The following MSRA variants were observed in gnomAD, a reference collection of about 807,000 sequenced individuals.
The protein encoded by MSRA is methionine sulfoxide reductase A.
MSRA carries 54 observed loss-of-function variants against 31.3 expected under a neutral mutation model. The observed-to-expected ratio is 1.73, with a 90% CI of 1.39 to 2.17. The LOEUF is 2.17. Ranked by LOEUF, MSRA falls within the 30% of genes most tolerant of loss-of-function variation. The pLI is 0.00. For synonymous variants in MSRA, 169 were observed against 116.5 expected (o/e 1.45, Z -2.90); for missense variants, 507 against 300.9 (o/e 1.69, Z -5.07).
At chr8:10,249,394 T>G (rs942288787) in intron 3 of MSRA, among the ~76,000 whole-genome samples, 2 of 152,216 alleles carry the variant, frequency 1.3e-5, no homozygotes. Flanking sequence ...TGGTCGGACC[T>G]CCATGATCTT....
At chr8:10,193,315 G>T (rs1006818838) in intron 1 of MSRA, among the ~76,000 whole-genome samples, 1 of 152,170 alleles carries the variant, frequency 6.6e-6, no homozygotes, top group East Asian at 1.9e-4. Context: ...TGGCCTTCCC[G>T]CTGAGAGAGA....
chr8:10,196,059 G>C (rs1478561609), intron 1 of MSRA, among the ~76,000 whole-genome samples: 2 of 152,182 alleles, frequency 1.3e-5, no homozygotes, highest in African/African-American at 2.4e-5. Flanking sequence ...AGAGGGTGCG[G>C]GGTGGGGGAG....
chr8:10,315,909 C>T (rs1227836599), intron 4 of MSRA, among the ~76,000 whole-genome samples: 1 of 152,194 alleles, frequency 6.6e-6, no homozygotes, highest in Non-Finnish European at 1.5e-5. Context: ...CCCTTTTACA[C>T]AAACAAAATT....
At chr8:10,172,796 T>G (rs1320029781) in intron 1 of MSRA, among the ~76,000 whole-genome samples, 3 of 152,200 alleles carry the variant, frequency 2.0e-5, no homozygotes, top group Non-Finnish European at 4.4e-5. Context: ...CTTCGCTTAC[T>G]CGGATCTTGA....
chr8:10,249,784 T>G (rs963409875), intron 3 of MSRA, among the ~76,000 whole-genome samples: 1 of 152,200 alleles, frequency 6.6e-6, no homozygotes, highest in Non-Finnish European at 1.5e-5. Flanking sequence ...GGCCACTGTT[T>G]TGTACCTAAA....
chr8:10,212,573 T>C (rs1809598334), intron 2 of MSRA, among the ~76,000 whole-genome samples: 1 of 152,244 alleles, frequency 6.6e-6, no homozygotes, highest in Non-Finnish European at 1.5e-5. Context: ...CCTGAATAAC[T>C]TCAGTTTGAA....
chr8:10,322,387 G>A (rs1286376209), intron 5 of MSRA, among the ~76,000 whole-genome samples: 1 of 145,802 alleles, frequency 6.9e-6, no homozygotes, highest in Non-Finnish European at 1.5e-5. Flanking sequence ...GGGTGGGAGG[G>A]AGGGATATTT....
At chr8:10,283,708 T>C (rs1470668986) in intron 3 of MSRA, among the ~76,000 whole-genome samples, 1 of 150,272 alleles carries the variant, frequency 6.7e-6, no homozygotes, top group East Asian at 2.0e-4. Flanking sequence ...TTTCCATTCC[T>C]GAGTTACTCC....
intron 1 of MSRA, among the ~76,000 whole-genome samples, chr8:10,181,039 A>G (rs1192970518): frequency 2.6e-5 from 4 of 152,206 alleles, no homozygotes; most frequent in Non-Finnish European, 4.4e-5. Context: ...TCAAATATTT[A>G]TTGAACTCTA....
intron 3 of MSRA, among the ~76,000 whole-genome samples, chr8:10,255,344 G>A (rs4841301): frequency 0.5 from 75,874 of 152,116 alleles, 21,226 homozygotes; most frequent in Non-Finnish European, 0.63. Context: ...GCACCCTGGC[G>A]GGCCAGGAGC....
chr8:10,150,578 C>T (rs1206044823), intron 1 of MSRA, among the ~76,000 whole-genome samples: 1 of 152,080 alleles, frequency 6.6e-6, no homozygotes, highest in African/African-American at 2.4e-5. Flanking sequence ...TAATATATGA[C>T]CTCAAATCTA....
chr8:10,118,895 A>G (rs761617106), intron 1 of MSRA, among the ~76,000 whole-genome samples: 2 of 152,206 alleles, frequency 1.3e-5, no homozygotes, highest in Non-Finnish European at 2.9e-5. Flanking sequence ...TTGGGAAGGC[A>G]TATGGGAATG....
At chr8:10,324,720 T>G (rs1802262643) in intron 5 of MSRA, among the ~76,000 whole-genome samples, 1 of 152,086 alleles carries the variant, frequency 6.6e-6, no homozygotes, top group Non-Finnish European at 1.5e-5. Context: ...GATGTGTGGT[T>G]CCAGGGAGCA....
intron 3 of MSRA, among the ~76,000 whole-genome samples, chr8:10,276,337 A>T (rs1210797907): frequency 6.6e-6 from 1 of 152,070 alleles, no homozygotes; most frequent in African/African-American, 2.4e-5. Context: ...GCTGCCTTGT[A>T]ATTGTTACAG....
At chr8:10,140,317 A>G (rs535736304) in intron 1 of MSRA, among the ~76,000 whole-genome samples, 1 of 152,328 alleles carries the variant, frequency 6.6e-6, no homozygotes, top group Admixed American at 6.5e-5. Flanking sequence ...GGGCAGGAAA[A>G]GGGCATAGAG....
At position 10,245,154 on chromosome 8, in the gene MSRA, G is replaced by C. The variant is rs1485408990; in HGVS notation, c.262G>C (p.Val88Leu). The change falls in exon 3 of 6, where the codon GTG becomes CTG. Residue 88 changes from valine (V) to leucine (L), a missense_variant. Transcript: ENST00000317173. ...AERKFWVLKG[V>L]YSTQVGFAGG... ...AAGGAAATTCTGGGTCTTGAAAGGA[G>C]TGTATTCAACTCAAGTTGGTTTTGC... The C allele has an allele frequency of 6.2e-7, 1 of 1,613,720 alleles. No individual in the cohort carries two copies. The highest frequency in any genetic ancestry group is 8.5e-7 in the Non-Finnish European group (1 of 1,179,824).
At chr8:10,389,017 G>A (rs1056222876) in intron 5 of MSRA, among the ~76,000 whole-genome samples, 11 of 152,270 alleles carry the variant, frequency 7.2e-5, no homozygotes, top group Admixed American at 2.6e-4. Context: ...TATGCCTAGT[G>A]TTCCATTATT....
intron 1 of MSRA, among the ~76,000 whole-genome samples, chr8:10,068,508 A>G (rs1033994516): frequency 1.3e-5 from 2 of 152,196 alleles, no homozygotes; most frequent in Non-Finnish European, 2.9e-5. Flanking sequence ...GTCTGTGTCT[A>G]GATTTATTTT....
intron 3 of MSRA, among the ~76,000 whole-genome samples, chr8:10,255,882 CTG>C (rs765738669): frequency 6.6e-6 from 1 of 151,940 alleles, no homozygotes; most frequent in Non-Finnish European, 1.5e-5. Context: ...CACAGCAAAA[CTG>C]AGCAGAATGT....
Sources: gnomAD v4.1 joint callset for allele counts (sites outside exome capture counted in the v4.1 genomes callset) on GRCh38, gnomAD v4.1.1 for gene constraint, MANE v1.5 for transcripts, NCBI Gene and HGNC (gene_info 2026-07-23, HGNC 2026-07-21) for gene names.